RAB4B: variants seen among roughly 807,000 people sequenced by gnomAD.
The protein encoded by RAB4B is ras-related protein Rab-4B.
In RAB4B, 15 loss-of-function variants were observed where a neutral mutation model predicts 28.3. That is an observed-to-expected ratio of 0.53 (90% CI 0.35 to 0.82). The LOEUF is 0.82. RAB4B is among the 40% of genes least tolerant of loss of function. The probability of loss-of-function intolerance (pLI) is 0.01; values close to 1 mark genes in which losing one functional copy is unlikely to be tolerated. For missense variants in RAB4B, 244 were observed against 288.5 expected, an observed-to-expected ratio of 0.85 and a Z score of 1.12; for synonymous variants, 108 against 116.3, an observed-to-expected ratio of 0.93 and a Z score of 0.46.
At chr19:40,783,478 CAGAG>C (rs997798023) in intron 3 of RAB4B, among the ~76,000 whole-genome samples, 11 of 151,948 alleles carry the variant, frequency 7.2e-5, no homozygotes, top group Non-Finnish European at 1.3e-4. Context: ...GAAAGAGACA[CAGAG>C]AGAAAAACAG....
intron 7 of RAB4B, among the ~76,000 whole-genome samples, chr19:40,793,878 C>T (rs1327463685): frequency 1.3e-5 from 2 of 151,544 alleles, no homozygotes; most frequent in African/African-American, 4.8e-5. Context: ...GAGCCGAGAT[C>T]GCACCACTGC....
intron 7 of RAB4B, among the ~76,000 whole-genome samples, chr19:40,789,541 G>T (rs1385568546): frequency 1.8e-5 from 2 of 113,092 alleles, no homozygotes; most frequent in Admixed American, 1.0e-4. Context: ...GTCTCACTCT[G>T]TCGCCATGCT....
chr19:40,784,323 C>T (rs926413008), intron 5 of RAB4B, among the ~76,000 whole-genome samples: 3 of 152,058 alleles, frequency 2.0e-5, no homozygotes, highest in East Asian at 1.9e-4. Flanking sequence ...GAGATCCTAT[C>T]TCTATAAAAA....
Position 40,791,807 on chromosome 19 carries a change from A to C in RAB4B, c.*16-4763A>C, listed in dbSNP as rs532261685. Among the ~76,000 whole-genome samples, 228 of 152,068 alleles carry C rather than the reference A, an allele frequency of 1.5e-3. 1 individual carries two copies. The highest frequency in any genetic ancestry group is 5.4e-3 in the African/African-American group (222 of 41,494). On this transcript the variant is annotated intron_variant, in intron 7 of 7. Transcript: ENST00000357052. ...GCCACCAACGCCTGGCAAAGTTTTTATATTTTTAGTAGAGACAGGGTTTCA... is the reference window on the plus strand; with the variant it reads ...GCCACCAACGCCTGGCAAAGTTTTTCTATTTTTAGTAGAGACAGGGTTTCA...
chr19:40,793,572 G>GTTTTT (rs373163247), intron 7 of RAB4B, among the ~76,000 whole-genome samples: 7 of 125,406 alleles, frequency 5.6e-5, no homozygotes, highest in African/African-American at 9.7e-5. Context: ...TTTCTTTTTT[G>GTTTTT]TTTTTTTTTT....
intron 7 of RAB4B, chr19:40,792,346 G>A (rs1049319904): frequency 1.3e-5 from 2 of 152,232 alleles, no homozygotes; most frequent in Non-Finnish European, 2.9e-5. Flanking sequence ...AATGGGGCCT[G>A]ATGGTCAAGA....
intron 5 of RAB4B, 53 bp from the exon 6 acceptor site, chr19:40,786,612 G>A: frequency 6.2e-7 from 1 of 1,608,140 alleles, no homozygotes. Context: ...TGAGAGCTCA[G>A]TGGAGGGTGG....
At chr19:40,784,345 T>G (rs1159348630) in intron 5 of RAB4B, among the ~76,000 whole-genome samples, 2 of 151,984 alleles carry the variant, frequency 1.3e-5, no homozygotes, top group African/African-American at 2.4e-5. Flanking sequence ...TTTAAAAAAT[T>G]AGCTGGGTGT....
chr19:40,778,415 G>T, intron 1 of RAB4B, 24 bp downstream of exon 1: 2 of 1,450,008 alleles, frequency 1.4e-6, no homozygotes, highest in African/African-American at 1.5e-5. Context: ...ACGAAGCTGG[G>T]GTCCTGGGTC....
intron 7 of RAB4B, among the ~76,000 whole-genome samples, chr19:40,794,969 A>C (rs1053160980): frequency 6.9e-6 from 1 of 144,350 alleles, no homozygotes; most frequent in Non-Finnish European, 1.5e-5. Flanking sequence ...TCTGTAGATC[A>C]AGTGAAACCC....
chr19:40,788,572 A>G (rs1207512970), intron 7 of RAB4B, among the ~76,000 whole-genome samples: 1 of 148,654 alleles, frequency 6.7e-6, no homozygotes, highest in Non-Finnish European at 1.5e-5. Context: ...ATGAGTGGAT[A>G]GGGTGGAGGA....
At chr19:40,783,368 C>T (rs538134669) in intron 3 of RAB4B, among the ~76,000 whole-genome samples, 1 of 151,470 alleles carries the variant, frequency 6.6e-6, no homozygotes, top group East Asian at 2.0e-4. Flanking sequence ...GGATACTGAG[C>T]CTAGGAGGTC....
At chr19:40,783,318 C>T (rs2083068282) in intron 3 of RAB4B, among the ~76,000 whole-genome samples, 1 of 151,712 alleles carries the variant, frequency 6.6e-6, no homozygotes, top group Non-Finnish European at 1.5e-5. Flanking sequence ...CTTGTAGTCC[C>T]AGACACTACA....
intron 7 of RAB4B, chr19:40,792,447 C>T (rs1350894518): frequency 2.6e-5 from 4 of 152,222 alleles, no homozygotes; most frequent in Admixed American, 2.0e-4. Flanking sequence ...CACCTCAGGG[C>T]TTAGCAGAGA....
At chr19:40,794,181 T>G (rs1455974725) in intron 7 of RAB4B, among the ~76,000 whole-genome samples, 2 of 152,062 alleles carry the variant, frequency 1.3e-5, no homozygotes, top group Admixed American at 1.3e-4. Context: ...TTCAAGCGAT[T>G]CTCTTGCCTC....
chr19:40,783,850 C>T lies in RAB4B; in HGVS notation c.275+10C>T, dbSNP rs775066418. 3.0e-5 allele frequency: 17 copies of T among 557,434 alleles called. No homozygotes were observed. The highest frequency in any genetic ancestry group is 3.5e-4 in the Middle Eastern group (1 of 2,844). The allele number at this position is 557,434 out of a possible 1,614,324, so 34.5% of individuals were successfully genotyped here. A position where few individuals can be genotyped will look rare whatever the true frequency, so the allele number is the denominator to read the frequency against. On this transcript the variant is annotated intron_variant, in intron 4 of 7. Transcript: ENST00000357052. ...TGTACGACATCACCAGGTGGGTGCCCGGGGTGGGTGGGGTAGGGCATGGGT... is the reference window on the plus strand; with the variant it reads ...TGTACGACATCACCAGGTGGGTGCCTGGGGTGGGTGGGGTAGGGCATGGGT...
chr19:40,785,355 A>T (rs1427281997), intron 5 of RAB4B, among the ~76,000 whole-genome samples: 2 of 151,152 alleles, frequency 1.3e-5, no homozygotes, highest in East Asian at 3.9e-4. Flanking sequence ...AAAAAAAAAA[A>T]AAAAAAAAGC....
intron 3 of RAB4B, among the ~76,000 whole-genome samples, chr19:40,781,138 CA>C (rs2083043127): frequency 8.3e-6 from 1 of 120,212 alleles, no homozygotes; most frequent in Admixed American, 8.3e-5. Flanking sequence ...AAAAAAAAAT[CA>C]AAAAATGTAG....
intron 7 of RAB4B, chr19:40,794,904 G>A (rs563686995): frequency 2.6e-5 from 4 of 151,282 alleles, no homozygotes; most frequent in Admixed American, 6.6e-5. Context: ...CAGCACTTTG[G>A]GGGGCTGAGG....
Sources: allele counts gnomAD v4.1 joint callset (sites outside exome capture counted in the v4.1 genomes callset), GRCh38; gene constraint gnomAD v4.1.1; transcripts MANE v1.5; gene names NCBI Gene and HGNC (gene_info 2026-07-23, HGNC 2026-07-21).